Variants in HEMK2 observed in about 807,000 individuals in gnomAD.
HEMK2 encodes the protein HemK methyltransferase 2, ETF1 glutamine and histone H4 lysine, also known as methyltransferase HEMK2.
chr21:28,732,011 C>A, the HEMK2 span, among the ~76,000 whole-genome samples: 1 of 152,206 alleles, frequency 6.6e-6, no homozygotes, highest in African/African-American at 2.4e-5. Context: ...CCTAGCAGGT[C>A]GGAAAAGCGT....
the HEMK2 span, among the ~76,000 whole-genome samples, chr21:28,609,978 A>T: frequency 1.3e-5 from 2 of 152,222 alleles, no homozygotes; most frequent in Non-Finnish European, 2.9e-5. Context: ...TGTGGAAAAC[A>T]TATTTGAGGG....
chr21:28,615,850 T>C, the HEMK2 span, among the ~76,000 whole-genome samples: 1 of 152,204 alleles, frequency 6.6e-6, no homozygotes, highest in African/African-American at 2.4e-5. Flanking sequence ...TGCTAGATGT[T>C]ATACAGGAAC....
At chr21:28,673,146 A>T in the HEMK2 span, among the ~76,000 whole-genome samples, 13 of 146,738 alleles carry the variant, frequency 8.9e-5, no homozygotes, top group South Asian at 2.9e-3. Flanking sequence ...AAAGAAAAAG[A>T]GGAAGGAAGG....
the HEMK2 span, among the ~76,000 whole-genome samples, chr21:28,864,293 AC>A: frequency 6.6e-6 from 1 of 152,178 alleles, no homozygotes; most frequent in Non-Finnish European, 1.5e-5. Context: ...GAGCTATAAA[AC>A]CAAAGGCCTT....
the HEMK2 span, among the ~76,000 whole-genome samples, chr21:28,828,875 T>A: frequency 6.6e-6 from 1 of 152,218 alleles, no homozygotes; most frequent in Non-Finnish European, 1.5e-5. Context: ...TAGTAAAATA[T>A]AAATGCAATA....
the HEMK2 span, among the ~76,000 whole-genome samples, chr21:28,866,505 C>A: frequency 6.6e-6 from 1 of 151,796 alleles, no homozygotes; most frequent in Non-Finnish European, 1.5e-5. Flanking sequence ...ATTAGTTTCA[C>A]ATGGTGAAAC....
chr21:28,833,621 T>C, the HEMK2 span, among the ~76,000 whole-genome samples: 9 of 152,236 alleles, frequency 5.9e-5, no homozygotes, highest in African/African-American at 2.2e-4. Flanking sequence ...TTTCTAACTT[T>C]GTGAGGTTTT....
chr21:28,671,970 T>G, the HEMK2 span, among the ~76,000 whole-genome samples: 2 of 152,208 alleles, frequency 1.3e-5, no homozygotes, highest in Non-Finnish European at 2.9e-5. Flanking sequence ...TGTGACTTAT[T>G]CACTCTACAG....
chr21:28,817,022 G>A, the HEMK2 span, among the ~76,000 whole-genome samples: 2 of 152,144 alleles, frequency 1.3e-5, no homozygotes, highest in Non-Finnish European at 2.9e-5. Context: ...ACACATCCAC[G>A]TGAAACTTCA....
the HEMK2 span, among the ~76,000 whole-genome samples, chr21:28,581,979 G>A: frequency 3.3e-5 from 5 of 152,180 alleles, no homozygotes; most frequent in South Asian, 1.0e-3. Flanking sequence ...AAAGACTAGA[G>A]ACAGTATTTA....
chr21:28,665,937 CT>C, the HEMK2 span, among the ~76,000 whole-genome samples: 2 of 152,076 alleles, frequency 1.3e-5, no homozygotes, highest in Non-Finnish European at 2.9e-5. Context: ...AAAAAATAGC[CT>C]TGCCAACTGC....
chr21:28,882,187 A>G, the HEMK2 span: 1 of 1,588,060 alleles, frequency 6.3e-7, no homozygotes, highest in African/African-American at 1.4e-5. Flanking sequence ...GTTGAATGTG[A>G]ACTTTGTTAC....
the HEMK2 span, among the ~76,000 whole-genome samples, chr21:28,611,295 A>C: frequency 2.0e-5 from 3 of 152,208 alleles, no homozygotes; most frequent in Non-Finnish European, 4.4e-5. Flanking sequence ...TTGTTCCTGA[A>C]TGATCATTGG....
At chr21:28,611,793 A>G in the HEMK2 span, among the ~76,000 whole-genome samples, 1 of 151,930 alleles carries the variant, frequency 6.6e-6, no homozygotes. Flanking sequence ...CTGTAGTCCC[A>G]GCTACTCAGA....
chr21:28,680,152 A>G, the HEMK2 span, among the ~76,000 whole-genome samples: 1 of 152,242 alleles, frequency 6.6e-6, no homozygotes, highest in African/African-American at 2.4e-5. Context: ...ATAGACTGCT[A>G]GCAAGACTAA....
At chr21:28,595,569 C>T in the HEMK2 span, among the ~76,000 whole-genome samples, 1 of 152,010 alleles carries the variant, frequency 6.6e-6, no homozygotes, top group African/African-American at 2.4e-5. Context: ...TTTTTTTAAC[C>T]ATTCATCTGT....
At chr21:28,598,250 T>C in the HEMK2 span, among the ~76,000 whole-genome samples, 2 of 152,216 alleles carry the variant, frequency 1.3e-5, no homozygotes, top group East Asian at 3.8e-4. Context: ...CCTTGGGCCA[T>C]GCAGCACTAG....
the HEMK2 span, among the ~76,000 whole-genome samples, chr21:28,838,999 A>G: frequency 3.6e-5 from 2 of 56,330 alleles, no homozygotes; most frequent in Non-Finnish European, 5.8e-5. Context: ...ATATATATAT[A>G]TACATATATA....
chr21:28,583,511 G>A, the HEMK2 span, among the ~76,000 whole-genome samples: 1 of 152,174 alleles, frequency 6.6e-6, no homozygotes, highest in African/African-American at 2.4e-5. Flanking sequence ...GAAGAACATA[G>A]ACCTTGAAAT....
Sources: allele counts gnomAD v4.1 joint callset (sites outside exome capture counted in the v4.1 genomes callset), GRCh38; gene constraint gnomAD v4.1.1; transcripts MANE v1.5; gene names NCBI Gene and HGNC (gene_info 2026-07-23, HGNC 2026-07-21).